USP43: variants seen among roughly 807,000 people sequenced by gnomAD.
USP43 encodes the protein ubiquitin specific peptidase 43, also known as ubiquitin carboxyl-terminal hydrolase 43.
Under a neutral mutation model 90.7 loss-of-function variants are expected in USP43, and 33 were observed. That is an observed-to-expected ratio of 0.36 (90% CI 0.28 to 0.49). USP43 has a LOEUF of 0.49. Ranked by LOEUF, USP43 falls within the 20% of genes least tolerant of loss-of-function variation. The probability of loss-of-function intolerance (pLI) is 0.98; values close to 1 mark genes in which losing one functional copy is unlikely to be tolerated. For missense variants in USP43, 1,274 were observed against 1,476.4 expected (o/e 0.86, Z 2.25); for synonymous variants, 598 against 615.8 (o/e 0.97, Z 0.43).
At chr17:9,693,284 A>G in intron 9 of USP43, 54 bp downstream of exon 9, 2 of 1,444,608 alleles carry the variant, frequency 1.4e-6, no homozygotes, top group Non-Finnish European at 1.9e-6. Context: ...TTATTTTACC[A>G]GAGTCCTTTG....
chr17:9,705,875 A>G (rs919048411), intron 12 of USP43, among the ~76,000 whole-genome samples: 2 of 152,184 alleles, frequency 1.3e-5, no homozygotes, highest in African/African-American at 2.4e-5. Context: ...GGCAGGATAA[A>G]TTCTCAGAAT....
chr17:9,725,637 T>G (rs1322904441), intron 14 of USP43, among the ~76,000 whole-genome samples: 1 of 152,186 alleles, frequency 6.6e-6, no homozygotes, highest in Admixed American at 6.5e-5. Context: ...CACTGCCATC[T>G]CGAGAAAGAG....
chr17:9,658,345 C>A (rs17809663), intron 2 of USP43, among the ~76,000 whole-genome samples: 12,672 of 151,792 alleles, frequency 0.083, 539 homozygotes, highest in South Asian at 0.14. Context: ...TTTTTTTCTC[C>A]CTTAAAATGT....
At chr17:9,657,814 T>A (rs1047026261) in intron 2 of USP43, among the ~76,000 whole-genome samples, 3 of 152,176 alleles carry the variant, frequency 2.0e-5, no homozygotes, top group South Asian at 4.1e-4. Flanking sequence ...TTATGGGGAT[T>A]ATAATTTGAG....
At chr17:9,700,136 C>G in intron 9 of USP43, 36 bp from the exon 10 acceptor site, 1 of 1,559,546 alleles carries the variant, frequency 6.4e-7, no homozygotes, top group Non-Finnish European at 8.7e-7. Flanking sequence ...AAGGAGGCCC[C>G]GTGTTTTCTG....
chr17:9,728,776 G>T lies in USP43; in HGVS notation c.3158G>T (p.Arg1053Met), dbSNP rs376120602. 1.8e-5 allele frequency: 29 copies of T among 1,608,408 alleles called. No homozygotes were observed. Among genetic ancestry groups the T allele is most frequent in the Non-Finnish European group, 2.5e-5 (29 of 1,177,166 alleles). ...PALRIPEGLA[R>M]GLGSRLERDV... ...CTCAGGATCCCAGAGGGCCTGGCCA[G>T]GGGCCTGGGCAGCCGGCTCGAGAGG... The change falls in exon 15 of 15, where the codon AGG (arginine) becomes ATG (methionine). Residue 1053 changes from arginine to methionine, a missense_variant. Arg to Met is a moderately conservative substitution (Grantham distance 91, BLOSUM62 -1). This residue lies in a region of USP43 where 353 missense variants were observed against 329.7 expected (regional missense o/e 1.07). Transcript: ENST00000285199. The surrounding 1 kb of genome is among the most constrained non-coding windows in gnomAD (Gnocchi z 6.2).
intron 9 of USP43, among the ~76,000 whole-genome samples, chr17:9,696,913 T>A (rs887806734): frequency 9.2e-5 from 14 of 152,208 alleles, no homozygotes; most frequent in African/African-American, 1.9e-4. Context: ...CTGACTTTTT[T>A]AAGAAATTCA....
chr17:9,688,326 C>G (rs542444867), intron 8 of USP43, among the ~76,000 whole-genome samples: 31 of 149,514 alleles, frequency 2.1e-4, no homozygotes, highest in African/African-American at 7.7e-4. Flanking sequence ...ACTCAGCCAT[C>G]CTTACTCTTA....
At position 9,711,491 on chromosome 17, in the gene USP43, C is replaced by T. The variant is rs543118652; in HGVS notation, c.2171-477C>T. On this transcript the variant is annotated intron_variant, in intron 13 of 14. Transcript: ENST00000285199. ...TTGCCCAGGCTGGAGTACAGTAGCG[C>T]GATTTCGGCTCACTGCAACCTCCGC... Among the ~76,000 whole-genome samples, 12 of 152,224 alleles carry T rather than the reference C, an allele frequency of 7.9e-5. No individual in the cohort carries two copies. The East Asian group carries it at 1.3e-3, about 17-fold the overall frequency.
chr17:9,716,874 GC>G (rs1916597725), intron 14 of USP43, among the ~76,000 whole-genome samples: 1 of 152,184 alleles, frequency 6.6e-6, no homozygotes, highest in Non-Finnish European at 1.5e-5. Context: ...GGTGGCACAT[GC>G]CTGTAATCCC....
At position 9,717,613 on chromosome 17, in the gene USP43, C is replaced by T. The variant is rs536456283; in HGVS notation, c.2335+5481C>T. 2.6e-5 allele frequency among the ~76,000 whole-genome samples: 4 copies of T among 152,038 alleles called. No individual in the cohort carries two copies. The South Asian group carries it at 6.2e-4, about 24-fold the overall frequency. ...TTTTCTCCGGGTGCTCCAGTTTCCT[C>T]CCACATCCTAAAGATATACCATTAG... On this transcript the variant is annotated intron_variant, in intron 14 of 14. Coordinates refer to ENST00000285199, the MANE Select transcript of USP43 (RefSeq NM_153210.5).
chr17:9,665,796 G>C (rs570507383), intron 2 of USP43, among the ~76,000 whole-genome samples: 9 of 152,330 alleles, frequency 5.9e-5, no homozygotes, highest in African/African-American at 2.2e-4. Context: ...ACAGGAGAAA[G>C]CTATGTGAAG....
At chr17:9,712,558 G>A (rs1391850298) in intron 14 of USP43, among the ~76,000 whole-genome samples, 2 of 152,144 alleles carry the variant, frequency 1.3e-5, no homozygotes, top group Non-Finnish European at 2.9e-5. Context: ...GACTTGTGTA[G>A]AAGCCTAGGG....
chr17:9,662,492 C>T lies in USP43; in HGVS notation c.637-4156C>T, dbSNP rs973611158. The stretch of plus-strand genomic sequence containing the variant: ...CAGACTGGATCCTTGGAGTTGATCA[C>T]GTTCCTCCACTCCCACAGTTGGGGG... On this transcript the variant is annotated intron_variant, in intron 2 of 14. Coordinates refer to ENST00000285199, the MANE Select transcript of USP43 (RefSeq NM_153210.5). Among the ~76,000 whole-genome samples, 4 of 152,300 alleles carry T rather than the reference C, an allele frequency of 2.6e-5. No homozygotes were observed. In the South Asian group the frequency reaches 6.2e-4, roughly 24 times the overall value.
chr17:9,678,597 C>T (rs1913947359), intron 5 of USP43, among the ~76,000 whole-genome samples: 1 of 152,156 alleles, frequency 6.6e-6, no homozygotes. Flanking sequence ...GCCTCAACCT[C>T]CCAAAGTGTT....
chr17:9,672,182 A>G (rs1418801410), intron 3 of USP43, among the ~76,000 whole-genome samples: 2 of 152,012 alleles, frequency 1.3e-5, no homozygotes, highest in East Asian at 3.9e-4. Flanking sequence ...TTTTTAGTAG[A>G]GATGGGGTTT....
At chr17:9,695,591 C>T (rs941155528) in intron 9 of USP43, among the ~76,000 whole-genome samples, 1 of 152,170 alleles carries the variant, frequency 6.6e-6, no homozygotes, top group Admixed American at 6.5e-5. Context: ...CCTCAGCCTC[C>T]CAAAGTGCTG....
At position 9,701,543 on chromosome 17, in the gene USP43, T is replaced by C. The variant is rs1915572237; in HGVS notation, c.1854T>C (p.His618=). The change falls in exon 12 of 15, where the codon CAT becomes CAC. Residue 618 remains histidine (H), a synonymous_variant. Coordinates refer to ENST00000285199, the MANE Select transcript of USP43 (RefSeq NM_153210.5). The surrounding 1 kb of genome is among the most constrained non-coding windows in gnomAD (Gnocchi z 7.2). Reference sequence around the variant, plus strand: ...TCTCTGGACTCAACATGGCTCCCCATGTGGCCCAGAGAAGCACCAGCCCTG... The same window carrying C: ...TCTCTGGACTCAACATGGCTCCCCACGTGGCCCAGAGAAGCACCAGCCCTG... The part of the protein sequence containing the change: ...FPLSGLNMAP[H]VAQRSTSPEA... 1.3e-6 allele frequency: 2 copies of C among 1,565,366 alleles called. No individual in the cohort carries two copies. The highest frequency in any genetic ancestry group is 1.4e-5 in the African/African-American group (1 of 73,652).
At chr17:9,700,617 A>G (rs770096873) in intron 10 of USP43, among the ~76,000 whole-genome samples, 1 of 152,138 alleles carries the variant, frequency 6.6e-6, no homozygotes, top group Non-Finnish European at 1.5e-5. Flanking sequence ...TCTGGGGTGG[A>G]TACTCCTGTA....
Sources: allele counts gnomAD v4.1 joint callset (sites outside exome capture counted in the v4.1 genomes callset), GRCh38; gene constraint gnomAD v4.1.1; regional missense constraint gnomAD v4.1.1; non-coding constraint Gnocchi (gnomAD v3.1); transcripts MANE v1.5; gene names NCBI Gene and HGNC (gene_info 2026-07-23, HGNC 2026-07-21).